Variants in PRKAG2 observed in about 807,000 individuals in gnomAD.
PRKAG2 encodes protein kinase AMP-activated non-catalytic subunit gamma 2, also known as 5'-AMP-activated protein kinase subunit gamma-2.
In PRKAG2, 26 loss-of-function variants were observed where a neutral mutation model predicts 69.6. The observed-to-expected ratio is 0.37, with a 90% confidence interval of 0.27 to 0.52. The LOEUF (loss-of-function observed/expected upper bound fraction) is 0.52. Among genes scored for constraint, PRKAG2 ranks in the 20% least tolerant of loss-of-function variants. The pLI is 0.90. For missense variants in PRKAG2, 557 were observed against 740.0 expected, an observed-to-expected ratio of 0.75 and a Z score of 2.87; for synonymous variants, 293 against 285.0, an observed-to-expected ratio of 1.03 and a Z score of -0.28.
At chr7:151,854,448 A>C (rs2079655123) in intron 1 of PRKAG2, among the ~76,000 whole-genome samples, 1 of 152,222 alleles carries the variant, frequency 6.6e-6, no homozygotes, top group South Asian at 2.1e-4. Context: ...CCTGCCCCCA[A>C]GAGCCTCTGG....
At chr7:151,578,931 C>T (rs372445129) in intron 6 of PRKAG2, among the ~76,000 whole-genome samples, 1 of 152,170 alleles carries the variant, frequency 6.6e-6, no homozygotes, top group African/African-American at 2.4e-5. Context: ...TTAAAACACA[C>T]TGAATATCTG....
At chr7:151,560,007 G>C (rs1804548685) in intron 15 of PRKAG2, 4 of 985,246 alleles carry the variant, frequency 4.1e-6, no homozygotes, top group African/African-American at 3.5e-5. Flanking sequence ...TGCTCAAAGT[G>C]AATCTGTCAA....
rs7429 is a variant in PRKAG2, at chr7:151,556,140, C to T, written c.*1061G>A. The T allele has an allele frequency of 0.55, 80,418 of 146,038 alleles. 23,703 individuals are homozygous for T. Among genetic ancestry groups the T allele is most frequent in the East Asian group, 0.72 (3,605 of 5,034 alleles). 9.0% of individuals were successfully genotyped at this position (146,038 alleles called of 1,614,324 possible). ...TTAACAAAATGGTAGATAGTAGGAT[C>T]TATTTTAATTTTTCAATCTGAAAAA... is the stretch of plus-strand genomic sequence containing the variant. On this transcript the variant is annotated 3_prime_UTR_variant, in exon 16 of 16. Transcript: ENST00000287878.
chr7:151,674,682 C>T (rs1160511372), intron 4 of PRKAG2, among the ~76,000 whole-genome samples: 2 of 152,114 alleles, frequency 1.3e-5, no homozygotes, highest in African/African-American at 4.8e-5. Flanking sequence ...AAATGCTCCC[C>T]TTCCAAAGAG....
intron 5 of PRKAG2, among the ~76,000 whole-genome samples, chr7:151,604,843 G>A (rs1817130345): frequency 6.6e-6 from 1 of 152,160 alleles, no homozygotes; most frequent in Non-Finnish European, 1.5e-5. Flanking sequence ...GATGGCCTTG[G>A]AAGCTTTGAA....
chr7:151,622,976 C>T (rs749944338), intron 5 of PRKAG2, among the ~76,000 whole-genome samples: 30 of 152,204 alleles, frequency 2.0e-4, no homozygotes, highest in Non-Finnish European at 3.4e-4. Flanking sequence ...TGGGAGGGAC[C>T]AGTTTCATGG....
At chr7:151,576,321 C>T (rs1338419685) in intron 7 of PRKAG2, 50 bp downstream of exon 7, 15 of 1,451,008 alleles carry the variant, frequency 1.0e-5, no homozygotes, top group Non-Finnish European at 1.4e-5. Flanking sequence ...TTTAGGCTTT[C>T]TGCTTTCAAG....
At chr7:151,745,844 T>C (rs560912766) in intron 3 of PRKAG2, among the ~76,000 whole-genome samples, 7 of 152,010 alleles carry the variant, frequency 4.6e-5, no homozygotes, top group Non-Finnish European at 8.8e-5. Context: ...TGGGGCCCTT[T>C]TCAGTCCCTT....
rs915011196 is a variant in PRKAG2 at position 151,597,826 on chromosome 7, C to CG, written c.755-2373_755-2372insC. ...AGGATGTGGACAAAAGGGAGCCCCC[C>CG]CCCCCGCTCTTTTATTGAACTATTG... On this transcript the variant is annotated intron_variant, in intron 5 of 15. Coordinates refer to ENST00000287878, the MANE Select transcript of PRKAG2 (RefSeq NM_016203.4). 8.0e-5 allele frequency among the ~76,000 whole-genome samples: 12 copies of CG among 149,180 alleles called. 1 individual carries two copies. In the South Asian group the frequency reaches 1.3e-3, roughly 16 times the overall value.
chr7:151,594,036 G>A (rs1448558531), intron 6 of PRKAG2, among the ~76,000 whole-genome samples: 11 of 152,312 alleles, frequency 7.2e-5, no homozygotes, highest in Admixed American at 7.2e-4. Flanking sequence ...GGCCACACCT[G>A]GGGGTCCCTG....
At chr7:151,639,482 T>G (rs1049764403) in intron 4 of PRKAG2, among the ~76,000 whole-genome samples, 1 of 152,130 alleles carries the variant, frequency 6.6e-6, no homozygotes, top group African/African-American at 2.4e-5. Context: ...GGCATGTGGG[T>G]CAGTGGACTG....
At chr7:151,610,014 C>T (rs574336338) in intron 5 of PRKAG2, among the ~76,000 whole-genome samples, 1 of 152,292 alleles carries the variant, frequency 6.6e-6, no homozygotes, top group South Asian at 2.1e-4. Flanking sequence ...GCCAACACCA[C>T]CTTTATCTCA....
chr7:151,795,736 C>T (rs2151830638), intron 1 of PRKAG2, among the ~76,000 whole-genome samples: 1 of 151,774 alleles, frequency 6.6e-6, no homozygotes, highest in East Asian at 2.0e-4. Context: ...AGGGGAAATT[C>T]TGCTTCATGA....
intron 3 of PRKAG2, among the ~76,000 whole-genome samples, chr7:151,710,134 G>T (rs1297936071): frequency 6.6e-6 from 1 of 152,124 alleles, no homozygotes; most frequent in African/African-American, 2.4e-5. Flanking sequence ...CCGGCCTTTG[G>T]GAGCCGCCTC....
intron 5 of PRKAG2, among the ~76,000 whole-genome samples, chr7:151,601,959 T>C (rs1816193282): frequency 6.6e-6 from 1 of 152,216 alleles, no homozygotes; most frequent in Non-Finnish European, 1.5e-5. Context: ...GATGGACAGA[T>C]GAAGTTTCAG....
intron 1 of PRKAG2, among the ~76,000 whole-genome samples, chr7:151,820,483 T>A (rs1408530006): frequency 7.7e-6 from 1 of 129,694 alleles, no homozygotes; most frequent in Non-Finnish European, 1.7e-5. Flanking sequence ...CACACTCTAC[T>A]CGGAACACCG....
intron 3 of PRKAG2, among the ~76,000 whole-genome samples, chr7:151,715,374 G>A (rs1297102587): frequency 2.2e-5 from 3 of 134,418 alleles, no homozygotes; most frequent in Non-Finnish European, 4.7e-5. Context: ...TTGAGACAGA[G>A]TTCCTGTCTG....
Position 151,807,932 on chromosome 7 carries a change from A to G in PRKAG2, c.115-21391T>C, listed in dbSNP as rs2078202457. Among the ~76,000 whole-genome samples, 1 of 152,200 alleles carries G rather than the reference A, an allele frequency of 6.6e-6. No homozygotes were observed. On this transcript the variant is annotated intron_variant, in intron 1 of 15. Coordinates refer to ENST00000287878, the MANE Select transcript of PRKAG2 (RefSeq NM_016203.4). This position sits in a 1 kb window ranked among gnomAD's most constrained non-coding sequence, Gnocchi z 4.4. Reference sequence around the variant, plus strand: ...TAGTGGGGACGCTAGACTCAAGGGAAGGCTCTGGAGGAAGGAAGAGGCTAA... The same window carrying G: ...TAGTGGGGACGCTAGACTCAAGGGAGGGCTCTGGAGGAAGGAAGAGGCTAA...
chr7:151,562,578 A>G (rs1303219541), intron 14 of PRKAG2, among the ~76,000 whole-genome samples: 1 of 152,198 alleles, frequency 6.6e-6, no homozygotes, highest in Non-Finnish European at 1.5e-5. Flanking sequence ...ATCCTGTGAT[A>G]TAACACAGCA....
Sources: allele counts gnomAD v4.1 joint callset (sites outside exome capture counted in the v4.1 genomes callset), GRCh38; gene constraint gnomAD v4.1.1; non-coding constraint Gnocchi (gnomAD v3.1); transcripts MANE v1.5; gene names NCBI Gene and HGNC (gene_info 2026-07-23, HGNC 2026-07-21).